Variants in KIAA1217 observed in about 807,000 individuals in gnomAD.
KIAA1217 encodes the protein sickle tail protein homolog.
A neutral mutation model predicts 163.9 loss-of-function variants in KIAA1217; 88 were observed. The observed-to-expected ratio is 0.54, with a 90% CI of 0.45 to 0.64. KIAA1217 has a LOEUF of 0.64. Ranked by LOEUF, KIAA1217 falls within the 30% of genes least tolerant of loss-of-function variation. The pLI is 0.00. For missense variants in KIAA1217, 2,372 were observed against 2,475.0 expected, an observed-to-expected ratio of 0.96 and a Z score of 0.88; for synonymous variants, 903 against 923.1, an observed-to-expected ratio of 0.98 and a Z score of 0.39.
chr10:24,485,533 G>A (rs991691325), intron 6 of KIAA1217, among the ~76,000 whole-genome samples: 2 of 152,172 alleles, frequency 1.3e-5, no homozygotes, highest in Non-Finnish European at 2.9e-5. Flanking sequence ...GACACTTGAA[G>A]TTGCAACACT....
At chr10:24,290,138 A>T (rs1364312747) in intron 2 of KIAA1217, among the ~76,000 whole-genome samples, 1 of 152,062 alleles carries the variant, frequency 6.6e-6, no homozygotes. Context: ...GAGGTCAAAG[A>T]ATCTGGAGGT....
intron 1 of KIAA1217, among the ~76,000 whole-genome samples, chr10:23,894,086 G>C (rs894095539): frequency 8.6e-4 from 131 of 151,452 alleles, no homozygotes; most frequent in Non-Finnish European, 1.7e-3. Context: ...GCACAAGACA[G>C]GGATGCCCTC....
chr10:23,790,191 A>G lies in KIAA1217; in HGVS notation c.-321+94957A>G, dbSNP rs1289540447. On this transcript the variant is annotated intron_variant, in intron 1 of 18. Transcript: ENST00000376462. The stretch of plus-strand genomic sequence containing the variant: ...TATACACATATGCATATACACATAT[A>G]CACATATGCATATACACATATACAC... Among the ~76,000 whole-genome samples, 18 of 69,492 alleles carry G rather than the reference A, an allele frequency of 2.6e-4. 1 individual carries two copies. Among genetic ancestry groups the G allele is most frequent in the East Asian group, 4.0e-4 (1 of 2,510 alleles). The allele number at this position is 69,492 out of a possible 152,430, so 45.6% of individuals were successfully genotyped here. A position where few individuals can be genotyped will look rare whatever the true frequency, so the allele number is the denominator to read the frequency against.
Position 24,546,735 on chromosome 10 carries a change from C to T in KIAA1217, c.*411C>T, listed in dbSNP as rs900526190. Reference sequence around the variant, plus strand: ...AGAGAATTACACAAGTGTGACTATACAAATTGTAAAACAGATACTATAATA... The same window carrying T: ...AGAGAATTACACAAGTGTGACTATATAAATTGTAAAACAGATACTATAATA... On this transcript the variant is annotated 3_prime_UTR_variant, in exon 21 of 21. Transcript: ENST00000376454. 1 of 157,708 alleles carries T rather than the reference C, an allele frequency of 6.3e-6. No individual in the cohort carries two copies. The highest frequency in any genetic ancestry group is 1.4e-5 in the Non-Finnish European group (1 of 71,482). 9.8% of individuals were successfully genotyped at this position (157,708 alleles called of 1,614,324 possible). A position where few individuals can be genotyped will look rare whatever the true frequency, so the allele number is the denominator to read the frequency against.
chr10:23,709,712 C>T (rs1440498442), intron 1 of KIAA1217, among the ~76,000 whole-genome samples: 1 of 151,290 alleles, frequency 6.6e-6, no homozygotes, highest in Non-Finnish European at 1.5e-5. Context: ...GCTCATCTAA[C>T]CCTTTTTACT....
chr10:24,141,452 T>C (rs1044512022), intron 2 of KIAA1217, among the ~76,000 whole-genome samples: 5 of 152,100 alleles, frequency 3.3e-5, no homozygotes, highest in Admixed American at 1.3e-4. Context: ...TCTCAGATTC[T>C]TTGAAAGCCT....
chr10:24,205,302 C>CAAAAAAAAA (rs61292023), upstream of KIAA1217, among the ~76,000 whole-genome samples: 3 of 36,610 alleles, frequency 8.2e-5, no homozygotes, highest in Non-Finnish European at 1.1e-4. Flanking sequence ...ACTAAAAATA[C>CAAAAAAAAA]AAAAAAAAAA....
At chr10:24,106,844 T>C (rs1400011048) in intron 2 of KIAA1217, among the ~76,000 whole-genome samples, 1 of 151,676 alleles carries the variant, frequency 6.6e-6, no homozygotes, top group Non-Finnish European at 1.5e-5. Context: ...TTCTTTTTTG[T>C]TGTTGTGTTG....
intron 3 of KIAA1217, among the ~76,000 whole-genome samples, chr10:24,388,067 A>G (rs2054272245): frequency 1.3e-5 from 2 of 152,194 alleles, no homozygotes. Flanking sequence ...TAAAGTTCAT[A>G]TGGAACCAAA....
chr10:24,201,418 G>A (rs1422310219), intron 2 of KIAA1217, among the ~76,000 whole-genome samples: 2 of 152,186 alleles, frequency 1.3e-5, no homozygotes, highest in South Asian at 2.1e-4. Context: ...TTCAGAGATT[G>A]TAAATTTTGC....
Position 24,059,677 on chromosome 10 carries a change from A to C in KIAA1217, c.-171+52303A>C, listed in dbSNP as rs192478570. The stretch of plus-strand genomic sequence containing the variant: ...ACTGCAAGCTCTGCCTTTCGGGTTC[A>C]CGCCATTGTCTTGCCTCAGCCTCCC... On this transcript the variant is annotated intron_variant, in intron 2 of 18. Coordinates refer to the KIAA1217 transcript ENST00000376462. Among the ~76,000 whole-genome samples, 3 of 152,202 alleles carry C rather than the reference A, an allele frequency of 2.0e-5. No individual in the cohort carries two copies. The East Asian group carries it at 5.8e-4, about 29-fold the overall frequency.
chr10:24,304,483 G>A (rs2041773706), intron 2 of KIAA1217, among the ~76,000 whole-genome samples: 1 of 152,084 alleles, frequency 6.6e-6, no homozygotes, highest in Non-Finnish European at 1.5e-5. Flanking sequence ...AGGACTAACA[G>A]CATGTACCAC....
At chr10:23,877,405 G>A (rs1000510733) in intron 1 of KIAA1217, 4 of 151,998 alleles carry the variant, frequency 2.6e-5, no homozygotes, top group East Asian at 3.9e-4. Flanking sequence ...AACATTTCTA[G>A]GACTGTTTCC....
At chr10:24,234,093 T>C (rs955752497) in intron 2 of KIAA1217, among the ~76,000 whole-genome samples, 2 of 152,142 alleles carry the variant, frequency 1.3e-5, no homozygotes, top group Admixed American at 1.3e-4. Flanking sequence ...TGTTTTTGTA[T>C]TAATACAGGT....
At chr10:24,420,364 T>C (rs2058634510) in intron 3 of KIAA1217, among the ~76,000 whole-genome samples, 1 of 152,228 alleles carries the variant, frequency 6.6e-6, no homozygotes, top group Non-Finnish European at 1.5e-5. Flanking sequence ...ATATCCATTA[T>C]TGTCTATTTT....
At chr10:24,476,489 G>C (rs1436184474) in intron 6 of KIAA1217, among the ~76,000 whole-genome samples, 3 of 152,066 alleles carry the variant, frequency 2.0e-5, no homozygotes, top group Admixed American at 6.5e-5. Context: ...TTACATGTTA[G>C]AAAACCTTTT....
intron 1 of KIAA1217, among the ~76,000 whole-genome samples, chr10:23,732,720 A>T (rs11013674): frequency 6.6e-6 from 1 of 151,948 alleles, no homozygotes; most frequent in Non-Finnish European, 1.5e-5. Context: ...TTCCTAAGGT[A>T]GATAGCTAAC....
intron 5 of KIAA1217, chr10:24,466,510 G>A (rs1453725219): frequency 2.0e-6 from 2 of 985,052 alleles, no homozygotes; most frequent in Non-Finnish European, 2.4e-6. Context: ...GACTTATCAC[G>A]GGGAAGGTTA....
intron 1 of KIAA1217, among the ~76,000 whole-genome samples, chr10:24,216,248 C>T (rs186171047): frequency 2.6e-5 from 4 of 152,192 alleles, no homozygotes; most frequent in East Asian, 3.9e-4. Flanking sequence ...TTTATTGTCC[C>T]GGCTGTCTTG....
Sources: allele counts gnomAD v4.1 joint callset (sites outside exome capture counted in the v4.1 genomes callset), GRCh38; gene constraint gnomAD v4.1.1; transcripts MANE v1.5; gene names NCBI Gene and HGNC (gene_info 2026-07-23, HGNC 2026-07-21).